Variants in ATAD2 observed in about 807,000 individuals in gnomAD.
ATAD2 encodes ATPase family AAA domain containing 2.
A neutral mutation model predicts 168.9 loss-of-function variants in ATAD2; 62 were observed. That is an observed-to-expected ratio of 0.37 (90% CI 0.30 to 0.45). ATAD2 has a LOEUF of 0.45. Among genes scored for constraint, ATAD2 ranks in the 20% least tolerant of loss-of-function variants. The pLI is 1.00. For missense variants in ATAD2, 1,419 were observed against 1,667.8 expected (o/e 0.85, Z 2.60); for synonymous variants, 613 against 571.6 (o/e 1.07, Z -1.03).
At chr8:123,388,637 G>A (rs559668772) in intron 1 of ATAD2, among the ~76,000 whole-genome samples, 2 of 152,056 alleles carry the variant, frequency 1.3e-5, no homozygotes, top group South Asian at 2.1e-4. Flanking sequence ...ACCTGCCTCG[G>A]CCTCCTAAAC....
intron 1 of ATAD2, among the ~76,000 whole-genome samples, chr8:123,391,363 G>A (rs900094756): frequency 2.0e-5 from 3 of 151,294 alleles, no homozygotes; most frequent in African/African-American, 7.3e-5. Context: ...AAATCTATAA[G>A]CCCAGCTGAA....
intron 24 of ATAD2, among the ~76,000 whole-genome samples, chr8:123,333,629 G>C (rs1015757195): frequency 2.6e-5 from 4 of 152,242 alleles, no homozygotes; most frequent in African/African-American, 9.6e-5. Context: ...GGGGGAGTAA[G>C]AAATAGACCA....
intron 2 of ATAD2, among the ~76,000 whole-genome samples, chr8:123,374,530 T>C (rs1829249055): frequency 6.6e-6 from 1 of 152,164 alleles, no homozygotes; most frequent in Non-Finnish European, 1.5e-5. Flanking sequence ...TAAAGCACTA[T>C]TTTTCTGAAC....
intron 8 of ATAD2, among the ~76,000 whole-genome samples, chr8:123,364,111 C>A (rs1177007863): frequency 2.0e-5 from 3 of 152,092 alleles, no homozygotes; most frequent in Non-Finnish European, 4.4e-5. Context: ...CAAATACATA[C>A]CGCACTTAAT....
In ATAD2 at chr8:123,334,019, A is replaced by C; in HGVS notation, c.3337T>G (p.Cys1113Gly). 1 of 1,611,992 alleles carries C rather than the reference A, an allele frequency of 6.2e-7. No homozygotes were observed. The highest frequency in any genetic ancestry group is 8.5e-7 in the Non-Finnish European group (1 of 1,178,898). Reference protein sequence around the residue: ...EIQESRKKRGCSSSKYAPSYY... With the variant: ...EIQESRKKRGGSSSKYAPSYY... ...GACGGGGCATATTTGGAGGAGCTACAACCTTATAAATAGATATGTGGGATG... is the reference window on the plus strand; with the variant it reads ...GACGGGGCATATTTGGAGGAGCTACCACCTTATAAATAGATATGTGGGATG... Residue 1113 changes from cysteine (C) to glycine (G), a missense_variant and splice_region_variant, in exon 24 of 28, where the codon TGT (cysteine) becomes GGT (glycine). Cys to Gly is a radical substitution (Grantham distance 159). Transcript: ENST00000287394.
intron 2 of ATAD2, among the ~76,000 whole-genome samples, chr8:123,378,724 A>T (rs1829399500): frequency 6.6e-6 from 1 of 151,152 alleles, no homozygotes; most frequent in South Asian, 2.1e-4. Flanking sequence ...AAAAAAAAAA[A>T]ATCAAAATTC....
chr8:123,399,475 T>C (rs1812969827), upstream of ATAD2, among the ~76,000 whole-genome samples: 1 of 152,144 alleles, frequency 6.6e-6, no homozygotes, highest in African/African-American at 2.4e-5. Context: ...GTAACTTCAT[T>C]ATAGCAAGTG....
At chr8:123,361,744 T>C (rs1352716865) in intron 8 of ATAD2, 98 bp from the exon 9 acceptor site, 1 of 916,618 alleles carries the variant, frequency 1.1e-6, no homozygotes, top group African/African-American at 1.7e-5. Context: ...CCAAAAAGTT[T>C]ATCATAAAAT....
intron 1 of ATAD2, among the ~76,000 whole-genome samples, chr8:123,384,616 T>A (rs1194562667): frequency 6.6e-6 from 1 of 152,234 alleles, no homozygotes; most frequent in Non-Finnish European, 1.5e-5. Context: ...AGCACCCATG[T>A]GCCAGGCCCA....
chr8:123,393,267 T>G (rs1812679765), intron 1 of ATAD2, among the ~76,000 whole-genome samples: 1 of 151,720 alleles, frequency 6.6e-6, no homozygotes, highest in South Asian at 2.1e-4. Flanking sequence ...TCCCAGCAAT[T>G]TGGGAAGCTG....
At chr8:123,339,878 AT>A in intron 19 of ATAD2, among the ~76,000 whole-genome samples, 1 of 151,890 alleles carries the variant, frequency 6.6e-6, no homozygotes, top group Non-Finnish European at 1.5e-5. Context: ...ACTTGATGAT[AT>A]TTTACTTTTT....
At position 123,369,816 on chromosome 8, in the gene ATAD2, CT is replaced by C; in HGVS notation, c.931+4del. 6.3e-7 allele frequency: 1 copy of C among 1,599,978 alleles called. No homozygotes were observed. ...TCTCCTGGAAAGAGTATGTATAGCA[CT>C]TACTTTCCAATGGAGCCTGATAGTA... On this transcript the variant is annotated splice_donor_region_variant and intron_variant, in intron 7 of 27. Transcript: ENST00000287394.
upstream of ATAD2, chr8:123,401,139 T>C: frequency 8.3e-7 from 1 of 1,205,612 alleles, no homozygotes. Context: ...TGGTGGTGGC[T>C]CCAGCAGGAG....
Position 123,349,336 on chromosome 8 carries a change from T to C in ATAD2, c.1755A>G (p.Arg585=). The C allele has an allele frequency of 6.2e-7, 1 of 1,614,082 alleles. No individual in the cohort carries two copies. Among genetic ancestry groups the C allele is most frequent in the Non-Finnish European group, 8.5e-7 (1 of 1,180,006 alleles). The change falls in exon 14 of 28, where the codon CGA becomes CGG. Residue 585 remains arginine (R), a synonymous_variant. Transcript: ENST00000287394. The part of the protein sequence containing the change: ...NRLDSIDPAL[R]RPGRFDREFL... ...ATTCTCTATCAAAGCGACCAGGCCT[T>C]CGTAAAGCAGGATCTATAGAATCTA... is the stretch of plus-strand genomic sequence containing the variant.
chr8:123,341,887 G>A (rs1828072718), intron 19 of ATAD2, among the ~76,000 whole-genome samples: 1 of 152,152 alleles, frequency 6.6e-6, no homozygotes, highest in Non-Finnish European at 1.5e-5. Flanking sequence ...AGGAGTTCAA[G>A]ACCAGCCTGG....
chr8:123,353,796 C>T (rs7017197), intron 13 of ATAD2, among the ~76,000 whole-genome samples: 14,277 of 152,008 alleles, frequency 0.094, 2,239 homozygotes, highest in African/African-American at 0.33. Context: ...ACAAAAAACT[C>T]TGTCCCAAGT....
In ATAD2 at chr8:123,325,876, G is replaced by T. The variant is rs1237495238; in HGVS notation, c.4002+17C>A. 1.2e-6 allele frequency: 2 copies of T among 1,612,788 alleles called. No individual in the cohort carries two copies. Among genetic ancestry groups the T allele is most frequent in the Non-Finnish European group, 1.7e-6 (2 of 1,179,196 alleles). On this transcript the variant is annotated intron_variant, in intron 26 of 27. Coordinates refer to ENST00000287394, the MANE Select transcript of ATAD2 (RefSeq NM_014109.4). ...GTAATCTGCAGAGTAAAAGCATTAT[G>T]ATTTCAATTTACATACTTTTAATCG...
chr8:123,353,022 AT>A (rs1437867799), intron 13 of ATAD2, among the ~76,000 whole-genome samples: 12 of 152,122 alleles, frequency 7.9e-5, no homozygotes, highest in Admixed American at 7.9e-4. Flanking sequence ...AGTTGTGATC[AT>A]GCTACTGCAC....
At chr8:123,380,974 G>A (rs543037175) in intron 1 of ATAD2, 129 of 262,828 alleles carry the variant, frequency 4.9e-4, no homozygotes, top group African/African-American at 7.2e-4. Context: ...CACCACTGAC[G>A]AAAAGTTGCA....
Sources: allele counts gnomAD v4.1 joint callset (sites outside exome capture counted in the v4.1 genomes callset), GRCh38; gene constraint gnomAD v4.1.1; transcripts MANE v1.5; gene names NCBI Gene and HGNC (gene_info 2026-07-23, HGNC 2026-07-21).